Variants in ADCK5 observed in about 807,000 individuals in gnomAD.
The protein encoded by ADCK5 is uncharacterized aarF domain-containing protein kinase 5.
ADCK5 carries 43 observed loss-of-function variants against 64.9 expected under a neutral mutation model. The observed-to-expected ratio is 0.66, with a 90% confidence interval of 0.52 to 0.85. The LOEUF (loss-of-function observed/expected upper bound fraction) is 0.85, where lower values mean the gene tolerates loss of function less well. ADCK5 is among the 40% of genes least tolerant of loss of function. The pLI, the probability that ADCK5 is intolerant of heterozygous loss-of-function variation, is 0.00. For synonymous variants in ADCK5, 434 were observed against 342.8 expected, an observed-to-expected ratio of 1.27 and a Z score of -2.94; for missense variants, 760 against 810.5, an observed-to-expected ratio of 0.94 and a Z score of 0.76.
In ADCK5 at chr8:144,383,166, A is replaced by G; in HGVS notation, c.202A>G (p.Met68Val). 6.2e-7 allele frequency: 1 copy of G among 1,600,280 alleles called. No homozygotes were observed. The highest frequency in any genetic ancestry group is 8.5e-7 in the Non-Finnish European group (1 of 1,173,716). The change falls in exon 3 of 15, where the codon ATG (methionine) becomes GTG (valine). Residue 68 changes from methionine to valine, a missense_variant. By Grantham distance (21) the Met-to-Val change is conservative (BLOSUM62 1). Coordinates refer to ENST00000308860, the MANE Select transcript of ADCK5 (RefSeq NM_174922.5). ...APLLLGARYVMAEAREKRRMR... is the reference protein window; with the variant it reads ...APLLLGARYVVAEAREKRRMR... The stretch of plus-strand genomic sequence containing the variant: ...CCTGCTCCTCGGAGCCCGCTATGTC[A>G]TGGCAGAGGCACGGGAGAAGAGGAG...
At position 144,391,729 on chromosome 8, in the gene ADCK5, C is replaced by T. The variant is rs1554860723; in HGVS notation, c.930+18C>T. 6.5e-7 allele frequency: 1 copy of T among 1,538,550 alleles called. No homozygotes were observed. The highest frequency in any genetic ancestry group is 8.7e-7 in the Non-Finnish European group (1 of 1,147,200). On this transcript the variant is annotated intron_variant, in intron 8 of 14. Coordinates refer to ENST00000308860, the MANE Select transcript of ADCK5 (RefSeq NM_174922.5). Reference sequence around the variant, plus strand: ...CCAGCAAGGTGGGCTGGGCCAGGCCCTTGGGGTGGGCACAGCGCTGGGCCT... The same window carrying T: ...CCAGCAAGGTGGGCTGGGCCAGGCCTTTGGGGTGGGCACAGCGCTGGGCCT...
At chr8:144,390,483 G>A (rs781950799) in intron 3 of ADCK5, among the ~76,000 whole-genome samples, 188 bp from the exon 4 acceptor site, 4 of 152,178 alleles carry the variant, frequency 2.6e-5, no homozygotes, top group African/African-American at 4.8e-5. Context: ...GACACCCCAC[G>A]AGCTCAGCAG....
chr8:144,373,927 C>A, upstream of ADCK5: 2 of 771,446 alleles, frequency 2.6e-6, no homozygotes, highest in Non-Finnish European at 3.5e-6. Flanking sequence ...GACGCTGCCC[C>A]GCCGCGGAGG....
In ADCK5 at chr8:144,386,593, A is replaced by G. The variant is rs12676249; in HGVS notation, c.266+3363A>G. Among the ~76,000 whole-genome samples, 30 of 152,202 alleles carry G rather than the reference A, an allele frequency of 2.0e-4. No homozygotes were observed. The East Asian group carries it at 4.4e-3, about 23-fold the overall frequency. ...GGCTGGTCTTGAACTGCTGACCTCA[A>G]GTGATCTGCCCGCCTCGGACTCCCA... is the stretch of plus-strand genomic sequence containing the variant. On this transcript the variant is annotated intron_variant, in intron 3 of 14. Coordinates refer to ENST00000308860, the MANE Select transcript of ADCK5 (RefSeq NM_174922.5).
In ADCK5 at chr8:144,392,562, G is replaced by A. The variant is rs868957894; in HGVS notation, c.1385G>A (p.Arg462His). The A allele has an allele frequency of 1.3e-6, 2 of 1,570,138 alleles. No homozygotes were observed. The highest frequency in any genetic ancestry group is 1.3e-5 in the African/African-American group (1 of 74,300). ...TACATGGTGGACATGGCCCGCGAGC[G>A]CTTCGAGGCCGTCATGGCGGTGCTC... ...AAYMVDMARE[R>H]FEAVMAVLRE... is the part of the protein sequence containing the mutation. Residue 462 changes from arginine (R) to histidine (H), a missense_variant, in exon 13 of 15, where the codon CGC becomes CAC. Around this residue, in one of 2 missense-constraint regions of ADCK5, gnomAD observed 333 missense variants for 292.0 expected, o/e 1.14. Coordinates refer to ENST00000308860, the MANE Select transcript of ADCK5 (RefSeq NM_174922.5).
At chr8:144,389,204 T>C in intron 3 of ADCK5, 1 of 454,564 alleles carries the variant, frequency 2.2e-6, no homozygotes, top group Non-Finnish European at 4.4e-6. Flanking sequence ...CAGTACCTGC[T>C]CAACAGATAC....
chr8:144,378,119 A>C (rs1443434335), intron 1 of ADCK5, among the ~76,000 whole-genome samples: 1 of 152,208 alleles, frequency 6.6e-6, no homozygotes, highest in Non-Finnish European at 1.5e-5. Flanking sequence ...AGCTGCGTTT[A>C]GCCTTCTCTC....
In ADCK5 at chr8:144,392,523, G is replaced by A. The variant is rs1820335757; in HGVS notation, c.1346G>A (p.Arg449His). Residue 449 changes from arginine to histidine, a missense_variant, in exon 13 of 15, where the codon CGC (arginine) becomes CAC (histidine). This residue lies in a region of ADCK5 where 333 missense variants were observed against 292.0 expected (regional missense o/e 1.14). Transcript: ENST00000308860. Reference protein sequence around the residue: ...GQLWGSHLLSREEAAYMVDMA... With the variant: ...GQLWGSHLLSHEEAAYMVDMA... The stretch of plus-strand genomic sequence containing the variant: ...CTGTGGGGCTCGCACCTACTGAGCC[G>A]CGAAGAGGCGGCCTACATGGTGGAC... 1.3e-6 allele frequency: 2 copies of A among 1,549,180 alleles called. No individual in the cohort carries two copies. Among genetic ancestry groups the A allele is most frequent in the Middle Eastern group, 1.7e-4 (1 of 5,998 alleles).
At chr8:144,379,658 C>T (rs1819515493) in intron 2 of ADCK5, among the ~76,000 whole-genome samples, 168 bp downstream of exon 2, 1 of 152,228 alleles carries the variant, frequency 6.6e-6, no homozygotes, top group Admixed American at 6.5e-5. Flanking sequence ...CCAAAGACCC[C>T]CAGGGACCCA....
At chr8:144,387,406 CTTTA>C (rs1564673357) in intron 3 of ADCK5, among the ~76,000 whole-genome samples, 1 of 149,418 alleles carries the variant, frequency 6.7e-6, no homozygotes, top group Non-Finnish European at 1.5e-5. Flanking sequence ...TTGTTTGTTT[CTTTA>C]TTTATTTATT....
At chr8:144,382,376 G>C (rs1486407756) in intron 2 of ADCK5, among the ~76,000 whole-genome samples, 5 of 152,262 alleles carry the variant, frequency 3.3e-5, no homozygotes, top group East Asian at 3.8e-4. Context: ...AGCTGCTACT[G>C]TGTTCAGCAT....
intron 3 of ADCK5, among the ~76,000 whole-genome samples, chr8:144,389,005 C>T (rs1554859828): frequency 5.3e-5 from 8 of 152,184 alleles, no homozygotes; most frequent in Non-Finnish European, 4.4e-5. Flanking sequence ...CTTGGAGAAG[C>T]CACTCTGACC....
chr8:144,388,658 T>A (rs1262034098), intron 3 of ADCK5, among the ~76,000 whole-genome samples: 1 of 147,028 alleles, frequency 6.8e-6, no homozygotes, highest in Non-Finnish European at 1.5e-5. Context: ...CCAGCTACTC[T>A]GGAGGCTGAG....
chr8:144,388,100 G>A (rs1554859589), intron 3 of ADCK5, among the ~76,000 whole-genome samples: 1 of 151,986 alleles, frequency 6.6e-6, no homozygotes, highest in East Asian at 1.9e-4. Flanking sequence ...AATGTGAAAT[G>A]CAATGTGAAA....
chr8:144,392,405 A>G, intron 12 of ADCK5, 40 bp from the exon 13 acceptor site: 1 of 1,492,256 alleles, frequency 6.7e-7, no homozygotes, highest in South Asian at 1.3e-5. Flanking sequence ...CGCGGAACCC[A>G]CTCAGAGCCC....
Position 144,374,166 on chromosome 8 carries a change from A to AGACCCGC in ADCK5, c.12+60_12+66dup. The AGACCCGC allele has an allele frequency of 2.4e-6, 3 of 1,242,854 alleles. No individual in the cohort carries two copies. The Admixed American group carries it at 1.3e-4, about 52-fold the overall frequency. The allele number at this position is 1,242,854 out of a possible 1,614,324, so 77.0% of individuals were successfully genotyped here. A position where few individuals can be genotyped will look rare whatever the true frequency, so the allele number is the denominator to read the frequency against. ...CCTGCACACCAGCCCCAGAGACCCG[A>AGACCCGC]GACCCGCAAGTCCCCAGACCCCGCC... On this transcript the variant is annotated intron_variant, in intron 1 of 14. Transcript: ENST00000308860.
intron 12 of ADCK5, 22 bp from the exon 13 acceptor site, chr8:144,392,423 C>CCCAA: frequency 1.3e-6 from 1 of 741,990 alleles, no homozygotes; most frequent in Non-Finnish European, 2.0e-6. Flanking sequence ...CCCCCTCCCT[C>CCCAA]CCTCCCTCCC....
chr8:144,374,820 A>G (rs1819299109), intron 1 of ADCK5, among the ~76,000 whole-genome samples: 6 of 151,736 alleles, frequency 4.0e-5, no homozygotes, highest in Admixed American at 3.9e-4. Flanking sequence ...CCCCTCTCTC[A>G]GGCTCTCGGC....
Position 144,392,588 on chromosome 8 carries a change from A to G in ADCK5, c.1411A>G (p.Arg471Gly), listed in dbSNP as rs1248270620. Reference protein sequence around the residue: ...ERFEAVMAVLRELPRPMLLVL... With the variant: ...ERFEAVMAVLGELPRPMLLVL... ...CTTCGAGGCCGTCATGGCGGTGCTC[A>G]GGGAGCTGCCGCGGCCCATGCTGCT... Residue 471 changes from arginine to glycine, a missense_variant, in exon 13 of 15, where the codon AGG (arginine) becomes GGG (glycine). Transcript: ENST00000308860. 1 of 1,579,844 alleles carries G rather than the reference A, an allele frequency of 6.3e-7. No individual in the cohort carries two copies. Among genetic ancestry groups the G allele is most frequent in the Non-Finnish European group, 8.6e-7 (1 of 1,167,868 alleles).
Sources: allele counts gnomAD v4.1 joint callset (sites outside exome capture counted in the v4.1 genomes callset), GRCh38; gene constraint gnomAD v4.1.1; regional missense constraint gnomAD v4.1.1; transcripts MANE v1.5; gene names NCBI Gene and HGNC (gene_info 2026-07-23, HGNC 2026-07-21).